PCDH15: variants seen among roughly 807,000 people sequenced by gnomAD.
PCDH15 encodes the protein protocadherin-15.
In PCDH15, 129 loss-of-function variants were observed where a neutral mutation model predicts 178.5. The observed-to-expected ratio is 0.72, with a 90% CI of 0.63 to 0.84. The LOEUF is 0.84. PCDH15 is among the 40% of genes least tolerant of loss of function. The probability of loss-of-function intolerance (pLI) is 0.00; values close to 1 mark genes in which losing one functional copy is unlikely to be tolerated. For missense variants in PCDH15, 2,230 were observed against 2,099.9 expected (o/e 1.06, Z -1.21); for synonymous variants, 800 against 732.0 (o/e 1.09, Z -1.50).
chr10:54,192,290 TAA>T (rs1287833992), intron 11 of PCDH15, among the ~76,000 whole-genome samples: 1 of 151,678 alleles, frequency 6.6e-6, no homozygotes, highest in African/African-American at 2.4e-5. Flanking sequence ...AGCTTTTGAA[TAA>T]ATCACTCTAA....
chr10:54,076,210 T>G (rs2094339218), intron 17 of PCDH15, among the ~76,000 whole-genome samples: 1 of 152,154 alleles, frequency 6.6e-6, no homozygotes, highest in African/African-American at 2.4e-5. Flanking sequence ...ATTTTATTCT[T>G]TTGGATACTA....
At chr10:54,185,577 TTTG>T (rs2048413624) in intron 11 of PCDH15, among the ~76,000 whole-genome samples, 1 of 152,076 alleles carries the variant, frequency 6.6e-6, no homozygotes, top group African/African-American at 2.4e-5. Context: ...TTACTGATTA[TTTG>T]TTATCAATAT....
chr10:55,559,206 A>G (rs1226657658), intron 2 of PCDH15, among the ~76,000 whole-genome samples: 3 of 152,020 alleles, frequency 2.0e-5, no homozygotes, highest in African/African-American at 7.2e-5. Context: ...AATAGAACCA[A>G]ATGTATACCA....
At chr10:54,779,533 C>CACACAT (rs1555192948) in intron 1 of PCDH15, among the ~76,000 whole-genome samples, 4 of 28,108 alleles carry the variant, frequency 1.4e-4, no homozygotes, top group South Asian at 1.2e-3. Flanking sequence ...TATACACACA[C>CACACAT]ATATATATAG....
intron 1 of PCDH15, among the ~76,000 whole-genome samples, chr10:54,700,788 A>G (rs576429628): frequency 1.3e-5 from 2 of 152,078 alleles, no homozygotes; most frequent in East Asian, 1.9e-4. Flanking sequence ...TGGAAACCAT[A>G]TTTTGGGATA....
At chr10:54,873,724 GTGTATGTATATA>G (rs1954083262) in intron 3 of PCDH15, among the ~76,000 whole-genome samples, 1 of 144,150 alleles carries the variant, frequency 6.9e-6, no homozygotes, top group South Asian at 2.2e-4. Flanking sequence ...TATAATATAT[GTGTATGTATATA>G]TGTATGTATG....
intron 2 of PCDH15, among the ~76,000 whole-genome samples, chr10:55,485,701 T>C (rs1320406253): frequency 6.6e-6 from 1 of 151,564 alleles, no homozygotes; most frequent in East Asian, 1.9e-4. Context: ...AATCCACGTT[T>C]AGTATAGCCA....
rs142920302 is a variant in PCDH15 at position 55,274,287 on chromosome 10, T to C, written c.-156+45312A>G. On this transcript the variant is annotated intron_variant, in intron 1 of 5. Coordinates refer to the PCDH15 transcript ENST00000458638. ...ATTATGATGCATGGAATTAGCAGAA[T>C]ACCTCAGGATAGTGAATACTGCCTA... Among the ~76,000 whole-genome samples the C allele has an allele frequency of 5.6e-4, 85 of 152,244 alleles. 2 individuals carry two copies. Among genetic ancestry groups the C allele is most frequent in the African/African-American group, 1.9e-3 (80 of 41,522 alleles).
At chr10:54,301,086 C>A (rs1319108477) in intron 8 of PCDH15, among the ~76,000 whole-genome samples, 1 of 151,076 alleles carries the variant, frequency 6.6e-6, no homozygotes, top group African/African-American at 2.4e-5. Flanking sequence ...ACTGCAGACA[C>A]ATCTGAACAT....
chr10:55,162,172 T>A (rs1185650182), intron 2 of PCDH15, among the ~76,000 whole-genome samples: 1 of 152,152 alleles, frequency 6.6e-6, no homozygotes, highest in Non-Finnish European at 1.5e-5. Flanking sequence ...TACATTAATG[T>A]GGATAGATCA....
At chr10:54,842,890 C>G (rs765904889) in intron 3 of PCDH15, among the ~76,000 whole-genome samples, 18 of 151,540 alleles carry the variant, frequency 1.2e-4, no homozygotes, top group Non-Finnish European at 2.1e-4. Context: ...TTGCTGTTGC[C>G]AAAGGAAAAG....
At chr10:55,006,518 C>T (rs1839931540) in intron 2 of PCDH15, among the ~76,000 whole-genome samples, 2 of 152,160 alleles carry the variant, frequency 1.3e-5, no homozygotes, top group South Asian at 4.1e-4. Context: ...CATTAAGAGT[C>T]AAGAGAAATT....
chr10:54,393,778 T>C (rs954984757), intron 3 of PCDH15, among the ~76,000 whole-genome samples: 3 of 152,204 alleles, frequency 2.0e-5, no homozygotes, highest in Non-Finnish European at 2.9e-5. Flanking sequence ...ATTCACTTTT[T>C]AGGGAAAAAA....
At chr10:54,318,780 A>C (rs977148169) in intron 7 of PCDH15, among the ~76,000 whole-genome samples, 1 of 152,216 alleles carries the variant, frequency 6.6e-6, no homozygotes, top group Admixed American at 6.5e-5. Context: ...GGAAAACCAC[A>C]AGTCAACTGC....
Position 53,938,965 on chromosome 10 carries a change from A to G in PCDH15, c.3233-10T>C. 6.2e-7 allele frequency: 1 copy of G among 1,610,776 alleles called. No homozygotes were observed. Among genetic ancestry groups the G allele is most frequent in the Non-Finnish European group, 8.5e-7 (1 of 1,177,584 alleles). ...TTAATTCCAAATGTATCTAGAAATT[A>G]AAATACAATTACCTGGTCATTGTCT... On this transcript the variant is annotated splice_polypyrimidine_tract_variant and intron_variant, in intron 24 of 37. Coordinates refer to ENST00000644397, the MANE Select transcript of PCDH15 (RefSeq NM_001384140.1).
chr10:54,637,764 TTC>T (rs1334613778), intron 2 of PCDH15, among the ~76,000 whole-genome samples: 1 of 152,086 alleles, frequency 6.6e-6, no homozygotes, highest in Non-Finnish European at 1.5e-5. Flanking sequence ...GGAGTTATTA[TTC>T]TGTTTATCCC....
intron 26 of PCDH15, among the ~76,000 whole-genome samples, chr10:53,882,325 C>T (rs2080783236): frequency 6.6e-6 from 1 of 152,166 alleles, no homozygotes; most frequent in South Asian, 2.1e-4. Context: ...GCATGGGCTC[C>T]CAGAGCTCGG....
At chr10:54,773,825 C>CA (rs1326492011) in intron 1 of PCDH15, among the ~76,000 whole-genome samples, 1 of 151,500 alleles carries the variant, frequency 6.6e-6, no homozygotes, top group African/African-American at 2.4e-5. Flanking sequence ...TTCAATGCTG[C>CA]AAAAATAACC....
intron 2 of PCDH15, among the ~76,000 whole-genome samples, chr10:55,404,600 A>G (rs1838154401): frequency 6.6e-6 from 1 of 151,928 alleles, no homozygotes; most frequent in Non-Finnish European, 1.5e-5. Context: ...AGTATAATAC[A>G]CCTCAAAGAA....
Sources: gnomAD v4.1 joint callset for allele counts (sites outside exome capture counted in the v4.1 genomes callset) on GRCh38, gnomAD v4.1.1 for gene constraint, MANE v1.5 for transcripts, NCBI Gene and HGNC (gene_info 2026-07-23, HGNC 2026-07-21) for gene names.